The following FARS2 variants were observed in gnomAD, a reference collection of about 807,000 sequenced individuals.
FARS2 encodes phenylalanine--tRNA ligase, mitochondrial.
FARS2 carries 40 observed loss-of-function variants against 46.4 expected under a neutral mutation model. The observed-to-expected ratio is 0.86, with a 90% CI of 0.67 to 1.12. The LOEUF (loss-of-function observed/expected upper bound fraction) is 1.12. FARS2 is among the 50% of genes most tolerant of loss of function. The pLI is 0.00. For missense variants in FARS2, 513 were observed against 567.9 expected (o/e 0.90, Z 0.98); for synonymous variants, 234 against 214.9 (o/e 1.09, Z -0.78).
intron 6 of FARS2, among the ~76,000 whole-genome samples, chr6:5,620,933 C>T (rs995228240): frequency 6.6e-6 from 1 of 152,246 alleles, no homozygotes; most frequent in African/African-American, 2.4e-5. Flanking sequence ...TCTTTATTTT[C>T]TCTTTCACCT....
At chr6:5,492,457 A>G (rs1767179971) in intron 4 of FARS2, among the ~76,000 whole-genome samples, 2 of 152,222 alleles carry the variant, frequency 1.3e-5, no homozygotes, top group African/African-American at 4.8e-5. Flanking sequence ...CATTGATAAA[A>G]TATTACTATT....
intron 1 of FARS2, among the ~76,000 whole-genome samples, chr6:5,308,450 C>T (rs1768873034): frequency 6.6e-6 from 1 of 152,244 alleles, no homozygotes; most frequent in Admixed American, 6.5e-5. Context: ...CATGCTTGTG[C>T]TTCCTAAACC....
At chr6:5,472,216 C>T (rs1765844966) in intron 4 of FARS2, among the ~76,000 whole-genome samples, 1 of 152,154 alleles carries the variant, frequency 6.6e-6, no homozygotes, top group Non-Finnish European at 1.5e-5. Flanking sequence ...GGCCGCATGT[C>T]ACTGGGGTTT....
intron 6 of FARS2, among the ~76,000 whole-genome samples, chr6:5,637,909 C>T (rs545704319): frequency 1.3e-5 from 2 of 152,326 alleles, no homozygotes; most frequent in Admixed American, 6.5e-5. Flanking sequence ...CTATCTGTCT[C>T]TCAATACAGC....
rs1773676970 is a variant in FARS2 at position 5,587,398 on chromosome 6, A to G, written c.1066-25771A>G. On this transcript the variant is annotated intron_variant, in intron 5 of 6. Coordinates refer to ENST00000274680, the MANE Select transcript of FARS2 (RefSeq NM_006567.5). ...TGAGGAAAAGGTGGGATCATAAGCT[A>G]ATAGACATCTATACATGAAATACTG... 2.6e-5 allele frequency among the ~76,000 whole-genome samples: 4 copies of G among 152,256 alleles called. No individual in the cohort carries two copies. The South Asian group carries it at 8.3e-4, about 32-fold the overall frequency.
chr6:5,291,684 G>A (rs1240623929), intron 1 of FARS2, among the ~76,000 whole-genome samples: 1 of 151,968 alleles, frequency 6.6e-6, no homozygotes, highest in African/African-American at 2.4e-5. Flanking sequence ...CGGGAGTCCA[G>A]GAGTTTGAGG....
At chr6:5,415,086 G>A (rs1762151082) in intron 3 of FARS2, among the ~76,000 whole-genome samples, 1 of 151,518 alleles carries the variant, frequency 6.6e-6, no homozygotes, top group South Asian at 2.1e-4. Flanking sequence ...CAAAATGCTG[G>A]GATTACAGGC....
chr6:5,501,505 A>G (rs1030568938), intron 4 of FARS2, among the ~76,000 whole-genome samples: 3 of 151,254 alleles, frequency 2.0e-5, no homozygotes, highest in Non-Finnish European at 1.5e-5. Context: ...TTATTTATTT[A>G]TTTATTTTTG....
the FARS2 span, among the ~76,000 whole-genome samples, chr6:5,251,686 C>T: frequency 1.3e-5 from 2 of 152,202 alleles, no homozygotes; most frequent in African/African-American, 2.4e-5. Context: ...ACCTCCAACA[C>T]GGGGGATTGC....
At chr6:5,313,025 G>A (rs1769196248) in intron 1 of FARS2, among the ~76,000 whole-genome samples, 1 of 152,182 alleles carries the variant, frequency 6.6e-6, no homozygotes, top group South Asian at 2.1e-4. Flanking sequence ...GTGGGAGAGG[G>A]AGAAGGAGAG....
At chr6:5,429,759 A>G (rs1159821161) in intron 3 of FARS2, among the ~76,000 whole-genome samples, 3 of 152,164 alleles carry the variant, frequency 2.0e-5, no homozygotes, top group Admixed American at 2.0e-4. Flanking sequence ...ACAATGAACT[A>G]TGATTGGGGA....
In FARS2 at chr6:5,323,248, C is replaced by T. The variant is rs1770111819; in HGVS notation, c.-21-45302C>T. On this transcript the variant is annotated intron_variant, in intron 1 of 6. Transcript: ENST00000274680. ...TTTTTCTCTGATCTGTAAAATTTTC[C>T]CTCTCAAAAAAGTTTTTCTTTGTTT... Among the ~76,000 whole-genome samples, 4 of 151,846 alleles carry T rather than the reference C, an allele frequency of 2.6e-5. No homozygotes were observed. In the South Asian group the frequency reaches 8.3e-4, roughly 32 times the overall value.
chr6:5,581,352 G>T (rs1202116027), intron 5 of FARS2, among the ~76,000 whole-genome samples: 1 of 152,222 alleles, frequency 6.6e-6, no homozygotes, highest in Non-Finnish European at 1.5e-5. Flanking sequence ...GCCATCGTGG[G>T]CAGGAAGGGG....
rs202150822 is a variant in FARS2, at chr6:5,421,636, T to TA, written c.773-9404dup. Among the ~76,000 whole-genome samples, 579 of 152,346 alleles carry TA rather than the reference T, an allele frequency of 3.8e-3. 7 individuals are homozygous for TA. The highest frequency in any genetic ancestry group is 0.018 in the East Asian group (94 of 5,186). On this transcript the variant is annotated intron_variant, in intron 3 of 6. Coordinates refer to ENST00000274680, the MANE Select transcript of FARS2 (RefSeq NM_006567.5). ...CTGCTTAGATATTTCTTCTGCCAGA[T>TA]ACTCTAAATCATGTCTCTCAAGTTC...
chr6:5,570,324 T>C (rs946233921), intron 5 of FARS2, among the ~76,000 whole-genome samples: 5 of 152,226 alleles, frequency 3.3e-5, no homozygotes, highest in African/African-American at 1.2e-4. Flanking sequence ...GAAAGTTGAC[T>C]TGCATTATTT....
rs1280536028 is a variant in FARS2, at chr6:5,459,874, G to A, written c.904+28702G>A. The stretch of plus-strand genomic sequence containing the variant: ...TTGGAATCATTCTCTGTATCTCTAA[G>A]TAACATGTTCGTATTGCTGCTCCTT... On this transcript the variant is annotated intron_variant, in intron 4 of 6. Coordinates refer to ENST00000274680, the MANE Select transcript of FARS2 (RefSeq NM_006567.5). 4.6e-5 allele frequency among the ~76,000 whole-genome samples: 7 copies of A among 152,024 alleles called. No individual in the cohort carries two copies. In the East Asian group the frequency reaches 1.4e-3, roughly 29 times the overall value.
At chr6:5,734,528 C>G (rs1760829202) in intron 6 of FARS2, among the ~76,000 whole-genome samples, 1 of 152,200 alleles carries the variant, frequency 6.6e-6, no homozygotes, top group Non-Finnish European at 1.5e-5. Flanking sequence ...GAATCTGACC[C>G]ATCAGATCAG....
At chr6:5,405,480 CTTTTTTTTT>C (rs398000284) in intron 3 of FARS2, among the ~76,000 whole-genome samples, 2 of 58,946 alleles carry the variant, frequency 3.4e-5, no homozygotes, top group South Asian at 7.9e-4. Context: ...GAGCAAGGTT[CTTTTTTTTT>C]TTTTTTTTTT....
At chr6:5,554,898 G>A (rs911347558) in intron 5 of FARS2, among the ~76,000 whole-genome samples, 1 of 151,570 alleles carries the variant, frequency 6.6e-6, no homozygotes, top group Non-Finnish European at 1.5e-5. Flanking sequence ...AGAGTAAGGT[G>A]AACTTGGTCC....
Sources: gnomAD v4.1 joint callset for allele counts (sites outside exome capture counted in the v4.1 genomes callset) on GRCh38, gnomAD v4.1.1 for gene constraint, MANE v1.5 for transcripts, NCBI Gene and HGNC (gene_info 2026-07-23, HGNC 2026-07-21) for gene names.